GIT2: variants seen among roughly 807,000 people sequenced by gnomAD.
GIT2 encodes the protein GIT ArfGAP 2.
GIT2 carries 32 observed loss-of-function variants against 100.3 expected under a neutral mutation model. That is an observed-to-expected ratio of 0.32 (90% CI 0.24 to 0.43). The LOEUF is 0.43. Among genes scored for constraint, GIT2 ranks in the 20% least tolerant of loss-of-function variants. The pLI, the probability that GIT2 is intolerant of heterozygous loss-of-function variation, is 1.00. For missense variants in GIT2, 737 were observed against 975.1 expected (o/e 0.76, Z 3.25); for synonymous variants, 353 against 364.1 (o/e 0.97, Z 0.35).
Position 109,947,353 on chromosome 12 carries a change from A to G in GIT2, c.1544T>C (p.Met515Thr), listed in dbSNP as rs145219756. ...TTTCTGACCTGATCCGGTCTCGTACATGGACATGGGCCTACTGCCCCGGGC... is the reference window on the plus strand; with the variant it reads ...TTTCTGACCTGATCCGGTCTCGTACGTGGACATGGGCCTACTGCCCCGGGC... Reference protein sequence around the residue: ...PSARGSRPMSMYETGSGQKPY... With the variant: ...PSARGSRPMSTYETGSGQKPY... Residue 515 changes from methionine to threonine, a missense_variant, in exon 15 of 20, where the codon ATG becomes ACG. By Grantham distance (81) the Met-to-Thr change is moderately conservative. Around this residue, in one of 3 missense-constraint regions of GIT2, gnomAD observed 451 missense variants for 543.7 expected, o/e 0.83. Coordinates refer to ENST00000355312, the MANE Select transcript of GIT2 (RefSeq NM_057169.5). This position sits in a 1 kb window ranked among gnomAD's most constrained non-coding sequence, Gnocchi z 4.3. The G allele has an allele frequency of 1.9e-6, 3 of 1,614,148 alleles. No homozygotes were observed. Among genetic ancestry groups the G allele is most frequent in the Non-Finnish European group, 2.5e-6 (3 of 1,179,984 alleles).
At chr12:109,935,937 A>G (rs1205094800) in intron 18 of GIT2, among the ~76,000 whole-genome samples, 1 of 152,172 alleles carries the variant, frequency 6.6e-6, no homozygotes, top group African/African-American at 2.4e-5. Flanking sequence ...TCTTTCCTCA[A>G]AAAGGTTTTC....
upstream of GIT2, among the ~76,000 whole-genome samples, chr12:109,996,852 A>C (rs61038964): frequency 0.19 from 28,560 of 152,022 alleles, 4,941 homozygotes; most frequent in African/African-American, 0.47. Context: ...CTGAGGCAGG[A>C]GGATCACTTG....
chr12:109,944,812 A>T (rs1359898090), intron 16 of GIT2, among the ~76,000 whole-genome samples: 3 of 151,684 alleles, frequency 2.0e-5, no homozygotes, highest in Non-Finnish European at 4.4e-5. Flanking sequence ...CTGACATAAA[A>T]TGTGTCACAG....
chr12:109,991,302 T>G (rs1888335969), intron 2 of GIT2, among the ~76,000 whole-genome samples: 1 of 136,306 alleles, frequency 7.3e-6, no homozygotes, highest in African/African-American at 2.9e-5. Flanking sequence ...AGAGTGAGAG[T>G]CCGTCTCAAA....
chr12:109,959,238 T>C (rs756913200), intron 12 of GIT2, among the ~76,000 whole-genome samples: 3 of 152,004 alleles, frequency 2.0e-5, no homozygotes, highest in Non-Finnish European at 2.9e-5. Context: ...TTGCTAATTT[T>C]TGTATTTTTA....
rs1393226712 is a variant in GIT2 at position 109,947,130 on chromosome 12, C to A, written c.1641+126G>T. ...TCTGTGGACATGTTAATACAGCAAA[C>A]ACAATGGTAACTCTCTTAGTCCAAT... is the stretch of plus-strand genomic sequence containing the variant. On this transcript the variant is annotated intron_variant, in intron 15 of 19. Transcript: ENST00000355312. The surrounding 1 kb of genome is among the most constrained non-coding windows in gnomAD (Gnocchi z 4.3). 4 of 849,158 alleles carry A rather than the reference C, an allele frequency of 4.7e-6. No individual in the cohort carries two copies. The highest frequency in any genetic ancestry group is 7.6e-6 in the Non-Finnish European group (4 of 528,130). 52.6% of individuals were successfully genotyped at this position (849,158 alleles called of 1,614,324 possible).
chr12:109,952,988 G>T, intron 13 of GIT2, 104 bp downstream of exon 13: 1 of 1,098,000 alleles, frequency 9.1e-7, no homozygotes, highest in Non-Finnish European at 1.3e-6. Flanking sequence ...ACCTTTGCTT[G>T]GCCTGAGCTA....
At chr12:109,993,373 T>G (rs370029772) in intron 1 of GIT2, among the ~76,000 whole-genome samples, 1 of 152,222 alleles carries the variant, frequency 6.6e-6, no homozygotes, top group African/African-American at 2.4e-5. Context: ...TACCATTTTT[T>G]AAGAGTTTAT....
At chr12:109,938,696 T>G in intron 17 of GIT2, 128 bp from the exon 18 acceptor site, 1 of 638,156 alleles carries the variant, frequency 1.6e-6, no homozygotes, top group South Asian at 2.1e-5. Context: ...CTTTATCCTG[T>G]CTAGCAGGAG....
chr12:109,947,173 TG>T lies in GIT2; in HGVS notation c.1641+82del, dbSNP rs762486390. The T allele has an allele frequency of 1.3e-4, 177 of 1,361,464 alleles. No individual in the cohort carries two copies. Among genetic ancestry groups the T allele is most frequent in the Non-Finnish European group, 1.7e-4 (169 of 983,926 alleles). 84.3% of individuals were successfully genotyped at this position (1,361,464 alleles called of 1,614,324 possible). A position where few individuals can be genotyped will look rare whatever the true frequency, so the allele number is the denominator to read the frequency against. The stretch of plus-strand genomic sequence containing the variant: ...AGTCCAATTTGGCAAAGCAGAGCTG[TG>T]GGGACCTGTAGGTTCAGAAGAGGGA... On this transcript the variant is annotated intron_variant, in intron 15 of 19. Transcript: ENST00000355312. The surrounding 1 kb of genome is among the most constrained non-coding windows in gnomAD (Gnocchi z 4.3).
intron 16 of GIT2, among the ~76,000 whole-genome samples, chr12:109,945,042 T>C (rs1875903775): frequency 6.6e-6 from 1 of 152,146 alleles, no homozygotes; most frequent in Admixed American, 6.5e-5. Context: ...GACGTGAACA[T>C]GAGCAGTATG....
At chr12:109,999,452 A>C (rs1166183980), upstream of GIT2, 2 of 233,846 alleles carry the variant, frequency 8.6e-6, no homozygotes, top group East Asian at 1.8e-4. This position sits in a 1 kb window ranked among gnomAD's most constrained non-coding sequence, Gnocchi z 4.3. Context: ...GCGAGCTGTC[A>C]GCGCGGGCGG....
chr12:109,956,373 C>T (rs1179803632), intron 12 of GIT2, among the ~76,000 whole-genome samples: 1 of 152,138 alleles, frequency 6.6e-6, no homozygotes, highest in Non-Finnish European at 1.5e-5. Context: ...ATGAAAAGCA[C>T]ACAAATATGA....
intron 1 of GIT2, chr12:109,992,141 T>C (rs185526498): frequency 0.043 from 3,525 of 82,132 alleles, 67 homozygotes; most frequent in African/African-American, 0.22. Flanking sequence ...AAGATAATAC[T>C]TTTTTTTTTT....
intron 7 of GIT2, among the ~76,000 whole-genome samples, chr12:109,971,277 T>C (rs569732532): frequency 2.0e-5 from 3 of 152,308 alleles, no homozygotes; most frequent in Admixed American, 6.5e-5. Context: ...ATATAGATAC[T>C]ACATGTATTG....
Position 109,947,260 on chromosome 12 carries a change from G to A in GIT2, c.1637C>T (p.Ala546Val), listed in dbSNP as rs144433286. ...ESRMRLQPFPAHIGRSALVTS... is the reference protein window; with the variant it reads ...ESRMRLQPFPVHIGRSALVTS... ...AGCGCCAGTGGTGTTACTTACGTGC[G>A]CGGGGAAGGGCTGGAGTCTCATCCT... The change falls in exon 15 of 20, where the codon GCG becomes GTG. Residue 546 changes from alanine to valine, a missense_variant. Physicochemically the swap from Ala to Val is moderately conservative, Grantham distance 64 (BLOSUM62 0). Coordinates refer to ENST00000355312, the MANE Select transcript of GIT2 (RefSeq NM_057169.5). The surrounding 1 kb of genome is among the most constrained non-coding windows in gnomAD (Gnocchi z 4.3). 27 of 1,612,576 alleles carry A rather than the reference G, an allele frequency of 1.7e-5. No individual in the cohort carries two copies. Among genetic ancestry groups the A allele is most frequent in the Middle Eastern group, 1.7e-4 (1 of 5,942 alleles).
intron 6 of GIT2, chr12:109,982,601 T>C (rs551221483): frequency 1.3e-5 from 2 of 152,108 alleles, no homozygotes; most frequent in African/African-American, 4.8e-5. Flanking sequence ...AAGGACTTTA[T>C]TAATAAAGAA....
chr12:109,987,108 C>T (rs999091938), intron 4 of GIT2, among the ~76,000 whole-genome samples: 3 of 152,138 alleles, frequency 2.0e-5, no homozygotes, highest in East Asian at 3.9e-4. Context: ...GCAGGCCAGG[C>T]GCGGTGGCTC....
chr12:109,978,607 C>T (rs1885638835), intron 7 of GIT2, among the ~76,000 whole-genome samples: 1 of 152,100 alleles, frequency 6.6e-6, no homozygotes, highest in South Asian at 2.1e-4. Flanking sequence ...CATTGACTTT[C>T]TTTGTCATCT....
Sources: allele counts gnomAD v4.1 joint callset (sites outside exome capture counted in the v4.1 genomes callset), GRCh38; gene constraint gnomAD v4.1.1; regional missense constraint gnomAD v4.1.1; non-coding constraint Gnocchi (gnomAD v3.1); transcripts MANE v1.5; gene names NCBI Gene and HGNC (gene_info 2026-07-23, HGNC 2026-07-21).